The following RDH10 variants were observed in gnomAD, a reference collection of about 807,000 sequenced individuals.
RDH10 encodes retinol dehydrogenase 10 (all-trans).
A neutral mutation model predicts 30.2 loss-of-function variants in RDH10; 12 were observed. That is an observed-to-expected ratio of 0.40 (90% CI 0.25 to 0.64). RDH10 has a LOEUF of 0.64. RDH10 is among the 30% of genes least tolerant of loss of function. RDH10 has a pLI of 0.43. For missense variants in RDH10, 268 were observed against 445.2 expected, an observed-to-expected ratio of 0.60 and a Z score of 3.58; for synonymous variants, 189 against 172.2, an observed-to-expected ratio of 1.10 and a Z score of -0.76.
intron 2 of RDH10, among the ~76,000 whole-genome samples, chr8:73,317,168 C>T (rs1316476474): frequency 6.6e-6 from 1 of 152,090 alleles, no homozygotes; most frequent in African/African-American, 2.4e-5. Flanking sequence ...AACACATAAT[C>T]GCATTAAGGT....
chr8:73,304,072 G>A (rs1366857676), intron 2 of RDH10, among the ~76,000 whole-genome samples: 1 of 152,130 alleles, frequency 6.6e-6, no homozygotes, highest in Non-Finnish European at 1.5e-5. Flanking sequence ...TACAGAATGT[G>A]ACCCTCTTGA....
At position 73,323,978 on chromosome 8, in the gene RDH10, C is replaced by T. The variant is rs1449173785; in HGVS notation, c.*942C>T. On this transcript the variant is annotated 3_prime_UTR_variant, in exon 6 of 6. Transcript: ENST00000240285. ...AATTTTTAATTTTATCTCTGATATACTTCATTAAGTGTCTGGAGACCTAAT... is the reference window on the plus strand; with the variant it reads ...AATTTTTAATTTTATCTCTGATATATTTCATTAAGTGTCTGGAGACCTAAT... 6.6e-6 allele frequency: 1 copy of T among 152,528 alleles called. No homozygotes were observed. Among genetic ancestry groups the T allele is most frequent in the Non-Finnish European group, 1.5e-5 (1 of 68,020 alleles). The allele number at this position is 152,528 out of a possible 1,614,324, so 9.4% of individuals were successfully genotyped here. A position where few individuals can be genotyped will look rare whatever the true frequency, so the allele number is the denominator to read the frequency against.
chr8:73,319,650 T>C (rs1268378778), intron 3 of RDH10, among the ~76,000 whole-genome samples: 1 of 152,318 alleles, frequency 6.6e-6, no homozygotes, highest in South Asian at 2.1e-4. Flanking sequence ...CCATTTTCAT[T>C]AGCAGCTTCA....
intron 2 of RDH10, chr8:73,315,340 G>C (rs989915208): frequency 1.0e-5 from 2 of 193,606 alleles, no homozygotes; most frequent in African/African-American, 4.7e-5. Context: ...ACAATTTGGG[G>C]GTGGGGGGAG....
chr8:73,319,111 C>A lies in RDH10; in HGVS notation c.541C>A (p.Leu181Ile). The stretch of plus-strand genomic sequence containing the variant: ...TTTGTTTCAGACCACTAAGGCTTTT[C>A]TTCCTACGATGCTGGAGATTAATCA... ...HAHFWTTKAFLPTMLEINHGH... is the reference protein window; with the variant it reads ...HAHFWTTKAFIPTMLEINHGH... Residue 181 changes from leucine (L) to isoleucine (I), a missense_variant, in exon 3 of 6, where the codon CTT becomes ATT. Leu to Ile is a conservative substitution (Grantham distance 5, BLOSUM62 2). This residue lies in a region of RDH10 where 136 missense variants were observed against 288.8 expected (regional missense o/e 0.47). Coordinates refer to ENST00000240285, the MANE Select transcript of RDH10 (RefSeq NM_172037.5). 1 of 1,612,296 alleles carries A rather than the reference C, an allele frequency of 6.2e-7. No homozygotes were observed.
chr8:73,301,114 G>A (rs1322719039), intron 2 of RDH10, among the ~76,000 whole-genome samples: 6 of 133,242 alleles, frequency 4.5e-5, no homozygotes, highest in African/African-American at 1.7e-4. Flanking sequence ...GCAGTGGCGC[G>A]ATCTCGGCTC....
chr8:73,297,309 G>A lies in RDH10; in HGVS notation c.405G>A (p.Glu135=), dbSNP rs777910868. The change falls in exon 2 of 6, where the codon GAG becomes GAA. Residue 135 remains glutamate, a synonymous_variant. Transcript: ENST00000240285. ...TGACGGCTGAAAGAGTCCGCAAGGAGGTTGGCGAAGTCTCAGTCCTGGTCA... is the reference window on the plus strand; with the variant it reads ...TGACGGCTGAAAGAGTCCGCAAGGAAGTTGGCGAAGTCTCAGTCCTGGTCA... ...VYLTAERVRK[E]VGEVSVLVNN... 1.9e-6 allele frequency: 3 copies of A among 1,614,146 alleles called. No homozygotes were observed. In the African/African-American group the frequency reaches 4.0e-5, roughly 22 times the overall value.
chr8:73,321,172 A>G, intron 4 of RDH10, 95 bp downstream of exon 4: 2 of 1,155,338 alleles, frequency 1.7e-6, no homozygotes, highest in Non-Finnish European at 2.4e-6. Context: ...TTTAACTATC[A>G]TTTGACAATC....
intron 2 of RDH10, chr8:73,300,203 G>A (rs1196915323): frequency 6.6e-6 from 1 of 152,148 alleles, no homozygotes; most frequent in East Asian, 1.9e-4. Context: ...TTTTAGAGTT[G>A]GAATTTCTGA....
intron 2 of RDH10, among the ~76,000 whole-genome samples, chr8:73,307,228 C>A (rs1041435627): frequency 1.3e-5 from 2 of 152,102 alleles, no homozygotes; most frequent in African/African-American, 4.8e-5. Flanking sequence ...TGTTTTCCAG[C>A]GTCATCTAGG....
chr8:73,295,943 C>A (rs1469703918), intron 1 of RDH10: 1 of 643,296 alleles, frequency 1.6e-6, no homozygotes, highest in Non-Finnish European at 2.0e-6. Context: ...GAAACTGAAG[C>A]GTCTTTGGGA....
chr8:73,321,066 C>T lies in RDH10; in HGVS notation c.759C>T (p.Gly253=). 2 of 1,613,172 alleles carry T rather than the reference C, an allele frequency of 1.2e-6. No individual in the cohort carries two copies. The highest frequency in any genetic ancestry group is 1.7e-6 in the Non-Finnish European group (2 of 1,179,404). The change falls in exon 4 of 6, where the codon GGC becomes GGT. Residue 253 remains glycine, a synonymous_variant. Transcript: ENST00000240285. ...TTGTAGACACTGGCATGTTCAGAGG[C>T]TGCCGAATCAGGTCAGTGAGAACCT... ...PYLVDTGMFR[G]CRIRKEIEPF... is the part of the protein sequence containing the mutation.
At chr8:73,307,176 TAAAAG>T (rs1563548679) in intron 2 of RDH10, among the ~76,000 whole-genome samples, 1 of 152,224 alleles carries the variant, frequency 6.6e-6, no homozygotes, top group African/African-American at 2.4e-5. Context: ...ATGGGACTGA[TAAAAG>T]AAGGATTAGA....
intron 2 of RDH10, chr8:73,312,567 A>G (rs1814582902): frequency 6.6e-6 from 1 of 152,272 alleles, no homozygotes; most frequent in African/African-American, 2.4e-5. Flanking sequence ...TCTGATAAAG[A>G]TAAGTTAACT....
chr8:73,321,688 G>A (rs1814772670), intron 4 of RDH10: 7 of 405,262 alleles, frequency 1.7e-5, no homozygotes, highest in Non-Finnish European at 3.5e-5. Flanking sequence ...GAGCTCAGCA[G>A]AATAAACAAA....
chr8:73,313,959 T>G (rs879801333), intron 2 of RDH10, among the ~76,000 whole-genome samples: 1 of 152,196 alleles, frequency 6.6e-6, no homozygotes, highest in Non-Finnish European at 1.5e-5. Context: ...GTCAGCAAAT[T>G]ATCTGTGCTG....
intron 2 of RDH10, among the ~76,000 whole-genome samples, chr8:73,305,529 C>T (rs1814451472): frequency 6.6e-6 from 1 of 152,182 alleles, no homozygotes; most frequent in Non-Finnish European, 1.5e-5. Context: ...ATCCAGATGT[C>T]TGCCTATATG....
intron 2 of RDH10, among the ~76,000 whole-genome samples, chr8:73,304,624 A>G (rs1190229000): frequency 6.6e-6 from 1 of 151,894 alleles, no homozygotes; most frequent in Admixed American, 6.6e-5. Flanking sequence ...CCCCTCATCT[A>G]CTGTAAACTT....
chr8:73,308,518 G>A (rs1241701683), intron 2 of RDH10, among the ~76,000 whole-genome samples: 1 of 152,210 alleles, frequency 6.6e-6, no homozygotes, highest in Non-Finnish European at 1.5e-5. Context: ...TAAGTGCCAA[G>A]GCTGACGGAG....
Sources: gnomAD v4.1 joint callset for allele counts (sites outside exome capture counted in the v4.1 genomes callset) on GRCh38, gnomAD v4.1.1 for gene constraint, gnomAD v4.1.1 regional missense constraint, MANE v1.5 for transcripts, NCBI Gene and HGNC (gene_info 2026-07-23, HGNC 2026-07-21) for gene names.